RP1: variants seen among roughly 807,000 people sequenced by gnomAD.
RP1 encodes oxygen-regulated protein 1.
A neutral mutation model predicts 14.8 loss-of-function variants in RP1; 16 were observed. The ratio of observed to expected loss-of-function variants is 1.08; its 90% CI spans 0.73 to 1.65. The LOEUF is 1.65. RP1 is among the 40% of genes most tolerant of loss of function. The probability of loss-of-function intolerance (pLI) is 0.00; values close to 1 mark genes in which losing one functional copy is unlikely to be tolerated. For synonymous variants in RP1, 876 were observed against 883.6 expected (o/e 0.99, Z 0.15); for missense variants, 2,631 against 2,535.0 (o/e 1.04, Z -0.81).
Position 54,565,639 on chromosome 8 carries a change from A to G in RP1, c.-13+6319A>G, listed in dbSNP as rs976244075. ...GAGAGAAAATCCACAAAGTTCATCA[A>G]TAGCCCACATGTGGTTAGGGTATGT... On this transcript the variant is annotated intron_variant, in intron 1 of 22. Transcript: ENST00000636932. Among the ~76,000 whole-genome samples the G allele has an allele frequency of 3.9e-5, 6 of 152,220 alleles. No individual in the cohort carries two copies. The South Asian group carries it at 6.2e-4, about 16-fold the overall frequency.
chr8:54,571,358 G>T (rs890230030), intron 1 of RP1, among the ~76,000 whole-genome samples: 1 of 152,188 alleles, frequency 6.6e-6, no homozygotes, highest in Non-Finnish European at 1.5e-5. Flanking sequence ...CTCCTTGGCA[G>T]GGACTGTGTC....
intron 24 of RP1, among the ~76,000 whole-genome samples, chr8:54,796,502 T>C (rs1168293825): frequency 6.6e-6 from 1 of 152,172 alleles, no homozygotes; most frequent in Non-Finnish European, 1.5e-5. Context: ...TAAGTTAACA[T>C]GAGGTCATGC....
chr8:54,706,599 AGT>A lies in RP1; in HGVS notation c.2159_2160del (p.Val720GlufsTer23). The A allele has an allele frequency of 6.5e-7, 1 of 1,536,102 alleles. No individual in the cohort carries two copies. The highest frequency in any genetic ancestry group is 1.2e-5 in the South Asian group (1 of 84,060). On this transcript the variant is annotated frameshift_variant, in exon 15 of 23. Coordinates refer to the RP1 transcript ENST00000636932. LOFTEE classifies it high-confidence loss of function. ...CAGCTCTGGGATTTGCATGTTTGAA[AGT>A]GTGAAAAATGCACAAATGTATCTAA...
chr8:54,755,387 T>C (rs1209899493), intron 20 of RP1, among the ~76,000 whole-genome samples: 2 of 152,234 alleles, frequency 1.3e-5, no homozygotes, highest in Non-Finnish European at 2.9e-5. Context: ...TTTATTTCTC[T>C]TTCTGAAAAT....
At chr8:54,695,326 A>G (rs961777228) in intron 12 of RP1, among the ~76,000 whole-genome samples, 1 of 152,056 alleles carries the variant, frequency 6.6e-6, no homozygotes, top group Non-Finnish European at 1.5e-5. Flanking sequence ...TGTTGATGAG[A>G]TAGTCTTACG....
chr8:54,754,753 T>G (rs1809457643), intron 19 of RP1: 1 of 1,455,454 alleles, frequency 6.9e-7, no homozygotes, highest in Non-Finnish European at 9.0e-7. Flanking sequence ...TCCAAGTTCT[T>G]TGAGAAATTG....
downstream of RP1, among the ~76,000 whole-genome samples, chr8:54,770,382 C>T (rs2129374692): frequency 6.6e-6 from 1 of 151,780 alleles, no homozygotes; most frequent in East Asian, 1.9e-4. Flanking sequence ...CTTAATGCTT[C>T]TCTTCAATAA....
intron 27 of RP1, among the ~76,000 whole-genome samples, chr8:54,857,390 T>A (rs1010876165): frequency 1.3e-5 from 2 of 148,342 alleles, no homozygotes; most frequent in African/African-American, 2.4e-5. Flanking sequence ...AAATATTTAA[T>A]GTAGATTTAT....
chr8:54,756,379 A>T (rs1809504390), intron 21 of RP1, among the ~76,000 whole-genome samples: 2 of 152,220 alleles, frequency 1.3e-5, no homozygotes, highest in Non-Finnish European at 2.9e-5. Context: ...TGTAATCTAA[A>T]GGCATATTTT....
chr8:54,805,232 C>T (rs931823961), intron 24 of RP1, among the ~76,000 whole-genome samples: 4 of 152,254 alleles, frequency 2.6e-5, no homozygotes, highest in African/African-American at 9.6e-5. Context: ...TTCTGAATAT[C>T]GTTTCAATAA....
At chr8:54,769,922 T>C (rs1809861176) in exon 23 of RP1, 5 of 656,278 alleles carry the variant, frequency 7.6e-6, no homozygotes, top group Admixed American at 3.3e-5. Context: ...TCTTTTATTA[T>C]TGGATTTATA....
chr8:54,634,406 T>G (rs1806308644), downstream of RP1, among the ~76,000 whole-genome samples: 1 of 152,240 alleles, frequency 6.6e-6, no homozygotes, highest in African/African-American at 2.4e-5. Context: ...CAATTTATAT[T>G]TCTATGGACA....
intron 1 of RP1, among the ~76,000 whole-genome samples, chr8:54,616,809 G>A (rs1467294019): frequency 1.3e-5 from 2 of 152,210 alleles, no homozygotes; most frequent in Non-Finnish European, 2.9e-5. Context: ...AATGACGCAT[G>A]TAACTCTGTC....
intron 1 of RP1, among the ~76,000 whole-genome samples, chr8:54,573,963 G>T (rs1181782238): frequency 1.3e-5 from 2 of 152,152 alleles, no homozygotes; most frequent in African/African-American, 4.8e-5. Flanking sequence ...AGAAGACTTG[G>T]GTTTTCCTAT....
At chr8:54,840,687 T>C (rs1176610755) in intron 25 of RP1, among the ~76,000 whole-genome samples, 1 of 151,606 alleles carries the variant, frequency 6.6e-6, no homozygotes, top group African/African-American at 2.4e-5. Context: ...CTATTGATTT[T>C]GGGTCCATTT....
rs151156594 is a variant in RP1, at chr8:54,800,260, A to G, written c.3615+16550A>G. Among the ~76,000 whole-genome samples, 25 of 151,888 alleles carry G rather than the reference A, an allele frequency of 1.6e-4. No homozygotes were observed. The East Asian group carries it at 4.8e-3, about 29-fold the overall frequency. On this transcript the variant is annotated intron_variant, in intron 24 of 28. Transcript: ENST00000637698. The stretch of plus-strand genomic sequence containing the variant: ...GTATCTTTTTGTCTAGCCACCTTCA[A>G]GATTTTCTCTTTGTCTTTGGTTTAC...
Position 54,710,210 on chromosome 8 carries a change from G to C in RP1, c.2211+3555G>C, listed in dbSNP as rs7815076. On this transcript the variant is annotated intron_variant, in intron 15 of 22. Coordinates refer to the RP1 transcript ENST00000636932. ...GACCCCTTTGCAGGTCTTGCAACAG[G>C]GGTGCCCATTTTACTTAGCCTGCCC... 5.3e-4 allele frequency among the ~76,000 whole-genome samples: 80 copies of C among 152,162 alleles called. 1 individual carries two copies. Among genetic ancestry groups the C allele is most frequent in the African/African-American group, 1.9e-3 (78 of 41,536 alleles).
exon 20 of RP1, chr8:54,754,811 G>C (rs2129366870): frequency 6.6e-7 from 1 of 1,512,074 alleles, no homozygotes; most frequent in East Asian, 2.5e-5. Context: ...AGGTGACCAT[G>C]CAACATATGA....
intron 1 of RP1, among the ~76,000 whole-genome samples, chr8:54,577,548 C>A (rs1804689638): frequency 6.9e-6 from 1 of 143,936 alleles, no homozygotes; most frequent in Non-Finnish European, 1.6e-5. Flanking sequence ...TTATTAGATT[C>A]ACACCCACTT....
Sources: gnomAD v4.1 joint callset for allele counts (sites outside exome capture counted in the v4.1 genomes callset) on GRCh38, gnomAD v4.1.1 for gene constraint, MANE v1.5 for transcripts, NCBI Gene and HGNC (gene_info 2026-07-23, HGNC 2026-07-21) for gene names.